KCNH8: variants seen among roughly 807,000 people sequenced by gnomAD.
KCNH8 encodes voltage-gated delayed rectifier potassium channel KCNH8.
A neutral mutation model predicts 103.6 loss-of-function variants in KCNH8; 70 were observed. The observed-to-expected ratio is 0.68, with a 90% CI of 0.56 to 0.82. The LOEUF (loss-of-function observed/expected upper bound fraction) is 0.82, where lower values mean the gene tolerates loss of function less well. Ranked by LOEUF, KCNH8 falls within the 40% of genes least tolerant of loss-of-function variation. KCNH8 has a pLI of 0.00. For synonymous variants in KCNH8, 498 were observed against 489.4 expected (o/e 1.02, Z -0.23); for missense variants, 1,217 against 1,329.9 (o/e 0.92, Z 1.32).
chr3:19,478,542 C>T (rs1472506003), intron 11 of KCNH8, among the ~76,000 whole-genome samples: 2 of 152,080 alleles, frequency 1.3e-5, no homozygotes, highest in Non-Finnish European at 2.9e-5. Flanking sequence ...TCTTGAAAGA[C>T]ACACACAAAC....
intron 11 of KCNH8, among the ~76,000 whole-genome samples, chr3:19,473,944 A>T (rs1157172496): frequency 1.3e-5 from 2 of 152,164 alleles, no homozygotes; most frequent in Admixed American, 1.3e-4. Context: ...TCTGTCCAAG[A>T]ATTATGCTTT....
At chr3:19,269,733 T>A (rs1294261314) in intron 2 of KCNH8, among the ~76,000 whole-genome samples, 1 of 152,132 alleles carries the variant, frequency 6.6e-6, no homozygotes, top group African/African-American at 2.4e-5. Flanking sequence ...AGTGCCATAA[T>A]TCCCAAAGCA....
At chr3:19,291,260 C>G (rs1249777603) in intron 3 of KCNH8, among the ~76,000 whole-genome samples, 1 of 152,022 alleles carries the variant, frequency 6.6e-6, no homozygotes, top group Non-Finnish European at 1.5e-5. Context: ...CTACTCTGAT[C>G]TTAGTTATTT....
At chr3:19,299,670 A>G (rs947683037) in intron 3 of KCNH8, among the ~76,000 whole-genome samples, 1 of 152,076 alleles carries the variant, frequency 6.6e-6, no homozygotes, top group Non-Finnish European at 1.5e-5. Flanking sequence ...TAAAAATAAA[A>G]AATAAAAAAG....
At chr3:19,390,974 C>T (rs1473379413) in intron 6 of KCNH8, among the ~76,000 whole-genome samples, 2 of 152,082 alleles carry the variant, frequency 1.3e-5, no homozygotes, top group African/African-American at 2.4e-5. Flanking sequence ...TAGGCAGATA[C>T]ATGTGTCAAG....
intron 2 of KCNH8, among the ~76,000 whole-genome samples, chr3:19,276,493 C>A (rs1362057372): frequency 1.3e-5 from 2 of 152,046 alleles, no homozygotes; most frequent in East Asian, 3.9e-4. Flanking sequence ...AAGAGAACAT[C>A]AAATGTGTCC....
intron 2 of KCNH8, among the ~76,000 whole-genome samples, chr3:19,278,625 A>G (rs1255833530): frequency 6.6e-6 from 1 of 152,132 alleles, no homozygotes; most frequent in Non-Finnish European, 1.5e-5. Context: ...TGTTTCTCTC[A>G]TAAACTTTTT....
chr3:19,506,095 G>T (rs559648026), intron 11 of KCNH8, among the ~76,000 whole-genome samples: 7 of 152,252 alleles, frequency 4.6e-5, no homozygotes, highest in African/African-American at 1.4e-4. Context: ...ACTGGGTACT[G>T]ACTTTCTCCT....
intron 11 of KCNH8, among the ~76,000 whole-genome samples, chr3:19,460,732 T>G (rs1435866480): frequency 6.6e-6 from 1 of 152,154 alleles, no homozygotes; most frequent in Non-Finnish European, 1.5e-5. Flanking sequence ...TCATCTTGAA[T>G]TGTAGTTCCC....
At chr3:19,371,360 G>C (rs2066091899) in intron 5 of KCNH8, among the ~76,000 whole-genome samples, 2 of 152,282 alleles carry the variant, frequency 1.3e-5, no homozygotes, top group South Asian at 2.1e-4. Context: ...CTGATGGCCA[G>C]TGATGATAAG....
intron 11 of KCNH8, among the ~76,000 whole-genome samples, chr3:19,470,886 A>T (rs2067842226): frequency 6.6e-6 from 1 of 152,232 alleles, no homozygotes; most frequent in Non-Finnish European, 1.5e-5. Context: ...TAGGGAGCAC[A>T]TAAAAAGCTT....
chr3:19,352,239 C>G (rs957031331), intron 5 of KCNH8, among the ~76,000 whole-genome samples: 5 of 152,116 alleles, frequency 3.3e-5, no homozygotes, highest in Non-Finnish European at 7.4e-5. Flanking sequence ...AAAGCAAGTC[C>G]TTAGAGACAT....
At chr3:19,454,190 G>GTGTGTC (rs1229314237) in intron 10 of KCNH8, among the ~76,000 whole-genome samples, 1 of 128,952 alleles carries the variant, frequency 7.8e-6, no homozygotes, top group African/African-American at 3.2e-5. Flanking sequence ...GTGTGTGTGT[G>GTGTGTC]TGTGTGTTTT....
chr3:19,509,536 T>A (rs1430533517), intron 11 of KCNH8, among the ~76,000 whole-genome samples: 1 of 152,228 alleles, frequency 6.6e-6, no homozygotes, highest in Non-Finnish European at 1.5e-5. Flanking sequence ...GGTAGGTGCA[T>A]GTTTTTAAGA....
At chr3:19,193,635 C>A (rs1460534860) in intron 1 of KCNH8, among the ~76,000 whole-genome samples, 1 of 151,574 alleles carries the variant, frequency 6.6e-6, no homozygotes, top group Non-Finnish European at 1.5e-5. Context: ...TATACAGTAT[C>A]AATTTAAATT....
At position 19,515,908 on chromosome 3, in the gene KCNH8, G is replaced by A. The variant is rs533077745; in HGVS notation, c.2542+480G>A. Among the ~76,000 whole-genome samples the A allele has an allele frequency of 2.6e-5, 4 of 152,122 alleles. No homozygotes were observed. The South Asian group carries it at 8.3e-4, about 31-fold the overall frequency. On this transcript the variant is annotated intron_variant, in intron 14 of 15. Transcript: ENST00000328405. ...TGTTGGAAATGACGGAGAACTATGT[G>A]ATGTGTTAACCTTTAGTGATGGTGA...
In KCNH8 at chr3:19,338,385, TTTG is replaced by T. The variant is rs1215956879; in HGVS notation, c.443-4199_443-4197del. Among the ~76,000 whole-genome samples, 3 of 152,052 alleles carry T rather than the reference TTTG, an allele frequency of 2.0e-5. No homozygotes were observed. The East Asian group carries it at 5.8e-4, about 29-fold the overall frequency. On this transcript the variant is annotated intron_variant, in intron 3 of 15. Transcript: ENST00000328405. ...GCCCTCGGTCATCCATATCAAGCAG[TTTG>T]TTCCCTACCACCACCACCACTACCA...
intron 11 of KCNH8, among the ~76,000 whole-genome samples, chr3:19,495,416 C>G (rs566469108): frequency 5.3e-5 from 8 of 152,280 alleles, no homozygotes; most frequent in Non-Finnish European, 8.8e-5. Flanking sequence ...CTTCATATGG[C>G]TAGCCAGCTA....
chr3:19,212,006 G>C (rs529647538), intron 1 of KCNH8, among the ~76,000 whole-genome samples: 5 of 152,246 alleles, frequency 3.3e-5, no homozygotes, highest in African/African-American at 1.2e-4. Context: ...ACAGTAGCCA[G>C]AATAAGATTA....
Sources: allele counts gnomAD v4.1 joint callset (sites outside exome capture counted in the v4.1 genomes callset), GRCh38; gene constraint gnomAD v4.1.1; transcripts MANE v1.5; gene names NCBI Gene and HGNC (gene_info 2026-07-23, HGNC 2026-07-21).